The following GPATCH2L variants were observed in gnomAD, a reference collection of about 807,000 sequenced individuals.
The protein encoded by GPATCH2L is G-patch domain containing 2 like.
Under a neutral mutation model 57.4 loss-of-function variants are expected in GPATCH2L, and 31 were observed. That is an observed-to-expected ratio of 0.54 (90% CI 0.41 to 0.73). The LOEUF (loss-of-function observed/expected upper bound fraction) is 0.73, where lower values mean the gene tolerates loss of function less well. Ranked by LOEUF, GPATCH2L falls within the 30% of genes least tolerant of loss-of-function variation. The probability of loss-of-function intolerance (pLI) is 0.00; values close to 1 mark genes in which losing one functional copy is unlikely to be tolerated. For synonymous variants in GPATCH2L, 199 were observed against 210.7 expected, an observed-to-expected ratio of 0.94 and a Z score of 0.48; for missense variants, 481 against 599.9, an observed-to-expected ratio of 0.80 and a Z score of 2.07.
chr14:76,229,374 T>A (rs971900426), intron 1 of GPATCH2L, among the ~76,000 whole-genome samples: 9 of 152,230 alleles, frequency 5.9e-5, no homozygotes, highest in African/African-American at 1.9e-4. Context: ...TCATCTGATA[T>A]GTGAGTTCAC....
At position 76,204,572 on chromosome 14, in the gene GPATCH2L, GTAAGT is replaced by G. The variant is rs1399768409; in HGVS notation, c.*2726_*2730del. ...TATATGCGGCACAGTGTATAATGTC[GTAAGT>G]TAAGAAAAATCTGTTATCTTTCAAA... On this transcript the variant is annotated 3_prime_UTR_variant, in exon 10 of 10. Coordinates refer to ENST00000261530, the MANE Select transcript of GPATCH2L (RefSeq NM_017926.4). 3 of 152,158 alleles carry G rather than the reference GTAAGT, an allele frequency of 2.0e-5. No individual in the cohort carries two copies. Among genetic ancestry groups the G allele is most frequent in the Admixed American group, 2.0e-4 (3 of 15,276 alleles). 9.4% of individuals were successfully genotyped at this position (152,158 alleles called of 1,614,324 possible).
At chr14:76,189,843 T>C (rs932292418) in intron 8 of GPATCH2L, among the ~76,000 whole-genome samples, 3 of 152,160 alleles carry the variant, frequency 2.0e-5, no homozygotes, top group Non-Finnish European at 1.5e-5. Context: ...GGGCCTGTCA[T>C]ATATGGCTTT....
intron 3 of GPATCH2L, among the ~76,000 whole-genome samples, 174 bp from the exon 4 acceptor site, chr14:76,171,669 C>T (rs1001251723): frequency 2.0e-5 from 3 of 150,346 alleles, no homozygotes; most frequent in Non-Finnish European, 2.9e-5. Context: ...ATTGCCTGAA[C>T]ATGTGATTAC....
chr14:76,179,295 T>TC (rs1755217926), intron 7 of GPATCH2L: 1 of 152,200 alleles, frequency 6.6e-6, no homozygotes, highest in African/African-American at 2.4e-5. Context: ...GCCTGTTATT[T>TC]CACGGAAATA....
intron 2 of GPATCH2L, among the ~76,000 whole-genome samples, chr14:76,158,370 T>C (rs1282345446): frequency 6.6e-6 from 1 of 152,228 alleles, no homozygotes; most frequent in Non-Finnish European, 1.5e-5. Flanking sequence ...TCCCTTCTGA[T>C]ACAAACAATA....
intron 1 of GPATCH2L, chr14:76,152,936 C>T (rs1001810074): frequency 2.9e-6 from 1 of 344,260 alleles, no homozygotes; most frequent in Non-Finnish European, 5.6e-6. Context: ...GCATTTTAAT[C>T]CACTTTTTTT....
chr14:76,201,405 C>T (rs141946190), intron 9 of GPATCH2L, among the ~76,000 whole-genome samples: 1 of 152,298 alleles, frequency 6.6e-6, no homozygotes, highest in East Asian at 1.9e-4. Context: ...GCAATACACA[C>T]ATAAGTACGT....
At position 76,223,166 on chromosome 14, in the gene GPATCH2L, G is replaced by T. The variant is rs1226914908; in HGVS notation, c.66-6642G>T. On this transcript the variant is annotated intron_variant and NMD_transcript_variant, in intron 1 of 3. Coordinates refer to the GPATCH2L transcript ENST00000556372. ...AGGCTACCATAATTTTAATACCAAA[G>T]GGTGGCAGGTTCATTACAAGAAAGG... Among the ~76,000 whole-genome samples, 3 of 151,994 alleles carry T rather than the reference G, an allele frequency of 2.0e-5. No homozygotes were observed. The East Asian group carries it at 5.8e-4, about 29-fold the overall frequency.
At chr14:76,228,000 G>C (rs1384218980) in intron 1 of GPATCH2L, among the ~76,000 whole-genome samples, 1 of 152,200 alleles carries the variant, frequency 6.6e-6, no homozygotes, top group Middle Eastern at 3.2e-3. Context: ...CTATGTGAAA[G>C]GGAAATAGCA....
intron 8 of GPATCH2L, among the ~76,000 whole-genome samples, chr14:76,187,028 T>TC (rs2039792142): frequency 6.6e-6 from 1 of 151,364 alleles, no homozygotes; most frequent in African/African-American, 2.4e-5. Flanking sequence ...GTGAAGTGTT[T>TC]TTTTTTTTTC....
At chr14:76,178,126 A>G (rs1030961359) in intron 7 of GPATCH2L, 84 bp downstream of exon 7, 3 of 1,269,390 alleles carry the variant, frequency 2.4e-6, no homozygotes, top group African/African-American at 1.4e-5. Flanking sequence ...TAAAAACTGC[A>G]GCTAATTCCT....
intron 3 of GPATCH2L, among the ~76,000 whole-genome samples, chr14:76,170,336 A>G (rs892010019): frequency 1.2e-4 from 19 of 152,154 alleles, no homozygotes; most frequent in African/African-American, 3.9e-4. Flanking sequence ...AATTTCCTTC[A>G]ATTTTGCTAT....
intron 2 of GPATCH2L, among the ~76,000 whole-genome samples, chr14:76,162,089 G>T (rs1020375054): frequency 1.3e-5 from 2 of 151,206 alleles, no homozygotes; most frequent in South Asian, 4.2e-4. Flanking sequence ...ATACTTTATC[G>T]CTTGGAATCT....
At chr14:76,227,834 C>T (rs771055647) in intron 1 of GPATCH2L, among the ~76,000 whole-genome samples, 27 of 152,160 alleles carry the variant, frequency 1.8e-4, no homozygotes, top group Non-Finnish European at 3.7e-4. Context: ...CGTGAGTCTG[C>T]ACCACAGGAA....
rs767641256 is a variant in GPATCH2L, at chr14:76,195,871, T to C, written c.1194-7T>C. 8.7e-6 allele frequency: 14 copies of C among 1,608,136 alleles called. No homozygotes were observed. In the Admixed American group the frequency reaches 2.0e-4, roughly 23 times the overall value. On this transcript the variant is annotated splice_polypyrimidine_tract_variant and splice_region_variant and intron_variant, in intron 8 of 9. Transcript: ENST00000261530. ...TCAAACCATTTTTCTTCTTCTTACA[T>C]CTGCAGACAGGCAAATGTACACTGG...
chr14:76,176,388 G>A, intron 5 of GPATCH2L: 1 of 555,878 alleles, frequency 1.8e-6, no homozygotes, highest in Non-Finnish European at 3.2e-6. Flanking sequence ...TGTCTATGAT[G>A]TATTTATAAA....
At chr14:76,183,087 G>A (rs1014238251) in intron 8 of GPATCH2L, among the ~76,000 whole-genome samples, 11 of 152,230 alleles carry the variant, frequency 7.2e-5, no homozygotes, top group Admixed American at 6.5e-4. Flanking sequence ...GCTGAGATCA[G>A]TATTCGTACT....
chr14:76,172,737 GTTAATCAGT>G (rs1258852420), intron 4 of GPATCH2L, among the ~76,000 whole-genome samples: 1 of 152,206 alleles, frequency 6.6e-6, no homozygotes, highest in Non-Finnish European at 1.5e-5. Flanking sequence ...TAATCAACCA[GTTAATCAGT>G]TGCCAAGAGT....
chr14:76,215,771 T>TG (rs1555384293), downstream of GPATCH2L, among the ~76,000 whole-genome samples: 5 of 50,414 alleles, frequency 9.9e-5, no homozygotes, highest in African/African-American at 4.1e-4. Context: ...TGTGGTGGGG[T>TG]GGGGGGAGGG....
Sources: gnomAD v4.1 joint callset for allele counts (sites outside exome capture counted in the v4.1 genomes callset) on GRCh38, gnomAD v4.1.1 for gene constraint, MANE v1.5 for transcripts, NCBI Gene and HGNC (gene_info 2026-07-23, HGNC 2026-07-21) for gene names.